FHOD3: variants seen among roughly 807,000 people sequenced by gnomAD.
The protein encoded by FHOD3 is formin homology 2 domain containing 3, also known as FH1/FH2 domain-containing protein 3.
FHOD3 carries 90 observed loss-of-function variants against 173.0 expected under a neutral mutation model. The ratio of observed to expected loss-of-function variants is 0.52; its 90% CI spans 0.44 to 0.62. The LOEUF (loss-of-function observed/expected upper bound fraction) is 0.62, where lower values mean the gene tolerates loss of function less well. Among genes scored for constraint, FHOD3 ranks in the 20% least tolerant of loss-of-function variants. FHOD3 has a pLI of 0.00. For missense variants in FHOD3, 1,945 were observed against 2,034.7 expected (o/e 0.96, Z 0.85); for synonymous variants, 828 against 823.0 (o/e 1.01, Z -0.10).
intron 18 of FHOD3, among the ~76,000 whole-genome samples, chr18:36,716,950 G>GTT (rs1185487296): frequency 6.6e-6 from 1 of 150,540 alleles, no homozygotes; most frequent in Non-Finnish European, 1.5e-5. Context: ...GTGTGTGTGT[G>GTT]TGTATGTGTT....
chr18:36,612,189 G>A (rs2032753276), intron 9 of FHOD3, 94 bp downstream of exon 9: 2 of 1,334,706 alleles, frequency 1.5e-6, no homozygotes, highest in South Asian at 1.4e-5. Context: ...TAAAGCGTAT[G>A]AGCACCACCA....
chr18:36,482,182 G>C (rs947668178), intron 3 of FHOD3, among the ~76,000 whole-genome samples: 2 of 152,212 alleles, frequency 1.3e-5, no homozygotes, highest in Non-Finnish European at 2.9e-5. Flanking sequence ...AGGTCTTGGG[G>C]ATACAGCAGT....
chr18:36,565,664 A>G (rs370253020), intron 5 of FHOD3, among the ~76,000 whole-genome samples: 1 of 152,194 alleles, frequency 6.6e-6, no homozygotes, highest in Non-Finnish European at 1.5e-5. Context: ...GTAGAAATAA[A>G]TAGGAATTAT....
At chr18:36,552,200 A>G (rs2057686959) in intron 5 of FHOD3, among the ~76,000 whole-genome samples, 1 of 152,152 alleles carries the variant, frequency 6.6e-6, no homozygotes, top group African/African-American at 2.4e-5. Context: ...TTCTCTTTGA[A>G]GAGGTCCTTC....
chr18:36,461,448 T>TG (rs1555714604), intron 3 of FHOD3, among the ~76,000 whole-genome samples: 2 of 143,880 alleles, frequency 1.4e-5, no homozygotes, highest in Non-Finnish European at 3.0e-5. Context: ...TCTGTTTTTT[T>TG]TTGTGTGTGT....
At chr18:36,566,059 C>G (rs2058252254) in intron 5 of FHOD3, among the ~76,000 whole-genome samples, 1 of 152,156 alleles carries the variant, frequency 6.6e-6, no homozygotes, top group African/African-American at 2.4e-5. Flanking sequence ...CTTAATTTCA[C>G]TGTCATATAG....
At chr18:36,369,475 ACAC>A (rs2047061584) in intron 2 of FHOD3, among the ~76,000 whole-genome samples, 1 of 132,236 alleles carries the variant, frequency 7.6e-6, no homozygotes, top group Non-Finnish European at 1.6e-5. Context: ...ACACACACAC[ACAC>A]ACACACACAC....
chr18:36,700,206 T>C (rs1324931492), intron 17 of FHOD3, among the ~76,000 whole-genome samples: 3 of 152,086 alleles, frequency 2.0e-5, no homozygotes, highest in Non-Finnish European at 4.4e-5. Flanking sequence ...CCCATATGCC[T>C]TGAATCCCTG....
chr18:36,489,068 T>C (rs1023032403), intron 3 of FHOD3, among the ~76,000 whole-genome samples: 1 of 152,148 alleles, frequency 6.6e-6, no homozygotes, highest in African/African-American at 2.4e-5. Context: ...TTTTGCTGTG[T>C]GGGGCTGGCT....
At chr18:36,669,382 T>C (rs1302330656) in intron 14 of FHOD3, among the ~76,000 whole-genome samples, 1 of 151,926 alleles carries the variant, frequency 6.6e-6, no homozygotes, top group Non-Finnish European at 1.5e-5. Flanking sequence ...TTTAATCCAG[T>C]CTGATAATCT....
chr18:36,591,727 G>C (rs1568466293), intron 6 of FHOD3, among the ~76,000 whole-genome samples: 1 of 149,420 alleles, frequency 6.7e-6, no homozygotes. Flanking sequence ...AGACCAGTCT[G>C]GGCAACATAG....
At chr18:36,512,336 C>T in intron 4 of FHOD3, 102 bp from the exon 5 acceptor site, 4 of 810,124 alleles carry the variant, frequency 4.9e-6, no homozygotes. Context: ...TCTGTAGGGT[C>T]CATTCTGGCT....
chr18:36,759,463 A>T (rs1203693133), intron 26 of FHOD3, among the ~76,000 whole-genome samples: 1 of 152,198 alleles, frequency 6.6e-6, no homozygotes, highest in African/African-American at 2.4e-5. Flanking sequence ...TTCCTTTGGC[A>T]ACTTAAATAT....
In FHOD3 at chr18:36,764,005, A is replaced by T. The variant is rs1439726177; in HGVS notation, c.4624+3223A>T. ...AAAATAATATTATGCTTTGGCAATG[A>T]AAAGGTAGCCTTTTAGTGACCAAGA... On this transcript the variant is annotated intron_variant, in intron 27 of 28. Coordinates refer to ENST00000590592, the MANE Select transcript of FHOD3 (RefSeq NM_001281740.3). Among the ~76,000 whole-genome samples, 5 of 152,226 alleles carry T rather than the reference A, an allele frequency of 3.3e-5. No homozygotes were observed. The East Asian group carries it at 9.6e-4, about 29-fold the overall frequency.
intron 14 of FHOD3, among the ~76,000 whole-genome samples, chr18:36,664,777 T>TGA (rs373836211): frequency 0.16 from 20,498 of 129,392 alleles, 1,552 homozygotes; most frequent in Admixed American, 0.21. Flanking sequence ...TGTGTGTATG[T>TGA]GAGAGAGAGA....
intron 6 of FHOD3, among the ~76,000 whole-genome samples, chr18:36,587,998 T>G (rs1348975831): frequency 1.3e-5 from 2 of 152,224 alleles, no homozygotes; most frequent in Admixed American, 1.3e-4. Flanking sequence ...ATGGGTTCGG[T>G]GCTCATGACT....
intron 3 of FHOD3, among the ~76,000 whole-genome samples, chr18:36,403,089 G>A (rs1042303603): frequency 7.2e-5 from 11 of 152,176 alleles, no homozygotes; most frequent in African/African-American, 2.4e-4. Flanking sequence ...AGTGCTTCTC[G>A]GAGCTGCTCA....
At chr18:36,415,056 G>C (rs1351770838) in intron 3 of FHOD3, among the ~76,000 whole-genome samples, 3 of 152,138 alleles carry the variant, frequency 2.0e-5, no homozygotes, top group African/African-American at 7.2e-5. Context: ...GGGGATTTTT[G>C]GGCACCTCCA....
intron 9 of FHOD3, among the ~76,000 whole-genome samples, chr18:36,613,337 T>C (rs2644251): frequency 0.98 from 148,706 of 152,338 alleles, 72,699 homozygotes; most frequent in East Asian, 1. Flanking sequence ...GCTTCGGACC[T>C]TGTTGACTTG....
Sources: gnomAD v4.1 joint callset for allele counts (sites outside exome capture counted in the v4.1 genomes callset) on GRCh38, gnomAD v4.1.1 for gene constraint, MANE v1.5 for transcripts, NCBI Gene and HGNC (gene_info 2026-07-23, HGNC 2026-07-21) for gene names.